Variants in AKT3 observed in about 807,000 individuals in gnomAD.
AKT3 encodes AKT serine/threonine kinase 3, also known as RAC-gamma serine/threonine-protein kinase.
Under a neutral mutation model 65.3 loss-of-function variants are expected in AKT3, and 15 were observed. The ratio of observed to expected loss-of-function variants is 0.23; its 90% CI spans 0.15 to 0.35. The LOEUF (loss-of-function observed/expected upper bound fraction) is 0.35. Ranked by LOEUF, AKT3 falls within the 10% of genes least tolerant of loss-of-function variation. AKT3 has a pLI of 1.00. For missense variants in AKT3, 243 were observed against 576.5 expected (o/e 0.42, Z 5.92); for synonymous variants, 206 against 183.8 (o/e 1.12, Z -0.98).
chr1:243,529,271 T>C (rs1030627510), intron 12 of AKT3, among the ~76,000 whole-genome samples: 1 of 152,090 alleles, frequency 6.6e-6, no homozygotes, highest in African/African-American at 2.4e-5. Context: ...ACTCTGCTGA[T>C]AGTCTCTTTT....
chr1:243,839,701 T>TA (rs1308748954), intron 2 of AKT3, among the ~76,000 whole-genome samples: 1 of 152,076 alleles, frequency 6.6e-6, no homozygotes, highest in African/African-American at 2.4e-5. Flanking sequence ...AAAAGCAACT[T>TA]ACTCACATTA....
At chr1:243,498,755 A>G (rs1040770341), downstream of AKT3, among the ~76,000 whole-genome samples, 2 of 152,248 alleles carry the variant, frequency 1.3e-5, no homozygotes, top group South Asian at 4.1e-4. Context: ...AGGTTGATAG[A>G]GTCCTCCCTT....
intron 2 of AKT3, among the ~76,000 whole-genome samples, chr1:243,809,046 AG>A (rs1692944387): frequency 6.6e-6 from 1 of 152,248 alleles, no homozygotes; most frequent in African/African-American, 2.4e-5. Flanking sequence ...AAACATGGAA[AG>A]GAACAACCAG....
intron 2 of AKT3, chr1:243,808,242 A>G (rs1692881988): frequency 6.6e-6 from 1 of 152,238 alleles, no homozygotes; most frequent in South Asian, 2.1e-4. Flanking sequence ...GAGCTAAAGG[A>G]GGAAGTTGGA....
intron 8 of AKT3, among the ~76,000 whole-genome samples, chr1:243,593,281 C>G (rs1676362183): frequency 6.6e-6 from 1 of 152,180 alleles, no homozygotes. Flanking sequence ...AACAAAACTT[C>G]TCTAATTCAA....
intron 2 of AKT3, among the ~76,000 whole-genome samples, chr1:243,790,913 C>T (rs1412463651): frequency 6.6e-6 from 1 of 152,050 alleles, no homozygotes; most frequent in Non-Finnish European, 1.5e-5. Context: ...GTTCGTGGTG[C>T]CCCAAAACAA....
rs12028812 is a variant in AKT3 at position 243,669,967 on chromosome 1, T to C, written c.173-5084A>G. ...AATGACATATATGAAATGTCAGTTA[T>C]GGGCCAAGCACTATGCAAAATGCTG... On this transcript the variant is annotated intron_variant, in intron 3 of 13. Transcript: ENST00000673466. 2.2e-3 allele frequency among the ~76,000 whole-genome samples: 341 copies of C among 152,312 alleles called. 10 individuals are homozygous for C. The East Asian group carries it at 0.055, about 25-fold the overall frequency.
intron 9 of AKT3, among the ~76,000 whole-genome samples, chr1:243,564,957 CAT>C: frequency 6.6e-6 from 1 of 152,258 alleles, no homozygotes; most frequent in South Asian, 2.1e-4. Context: ...AGAACATAAA[CAT>C]ATCAGTCATA....
Position 243,620,186 on chromosome 1 carries a change from G to A in AKT3, c.562-5025C>T, listed in dbSNP as rs192880953. On this transcript the variant is annotated intron_variant, in intron 6 of 13. Coordinates refer to ENST00000673466, the MANE Select transcript of AKT3 (RefSeq NM_005465.7). ...AGCTCTGATGGTTTTATAAGTGTCT[G>A]ACAGTTCCTCTTCACACACTCGCCC... 1.9e-4 allele frequency among the ~76,000 whole-genome samples: 19 copies of A among 97,892 alleles called. 6 individuals carry two copies. The Admixed American group carries it at 2.2e-3, about 11-fold the overall frequency. The allele number at this position is 97,892 out of a possible 152,430, so 64.2% of individuals were successfully genotyped here.
intron 2 of AKT3, among the ~76,000 whole-genome samples, chr1:243,764,749 T>C (rs1255621017): frequency 6.6e-6 from 1 of 152,112 alleles, no homozygotes; most frequent in Middle Eastern, 3.2e-3. Flanking sequence ...AACTACCATA[T>C]GTTACTCAAA....
intron 6 of AKT3, among the ~76,000 whole-genome samples, chr1:243,625,897 A>G (rs986234764): frequency 6.6e-6 from 1 of 152,334 alleles, no homozygotes; most frequent in East Asian, 1.9e-4. Context: ...AGGGACAGCT[A>G]GTCTGGTGGA....
intron 2 of AKT3, among the ~76,000 whole-genome samples, chr1:243,705,121 T>C (rs910277349): frequency 6.6e-6 from 1 of 152,224 alleles, no homozygotes; most frequent in Non-Finnish European, 1.5e-5. Context: ...AAACTCTCAT[T>C]CTAATGCATA....
chr1:243,623,014 A>G (rs1039755659), intron 6 of AKT3, among the ~76,000 whole-genome samples: 1 of 152,242 alleles, frequency 6.6e-6, no homozygotes, highest in Admixed American at 6.5e-5. Flanking sequence ...CAAAAAAGTC[A>G]GTCTTCAGAA....
intron 2 of AKT3, among the ~76,000 whole-genome samples, chr1:243,801,937 GATCTT>G (rs917806064): frequency 6.6e-6 from 1 of 152,102 alleles, no homozygotes; most frequent in Non-Finnish European, 1.5e-5. Flanking sequence ...TATTCTTTCT[GATCTT>G]ATGTTAGTTC....
chr1:243,488,958 G>C, intron 13 of AKT3: 1 of 1,612,374 alleles, frequency 6.2e-7, no homozygotes, highest in Non-Finnish European at 8.5e-7. Flanking sequence ...CAGCCCCTGG[G>C]CCTGTTGAAA....
At chr1:243,697,958 A>G (rs1685167346) in intron 2 of AKT3, among the ~76,000 whole-genome samples, 1 of 150,226 alleles carries the variant, frequency 6.7e-6, no homozygotes, top group African/African-American at 2.4e-5. Flanking sequence ...GTAAGGGCAA[A>G]AAAGAAATTT....
chr1:243,797,678 G>A (rs1692106885), intron 2 of AKT3, among the ~76,000 whole-genome samples: 2 of 152,040 alleles, frequency 1.3e-5, no homozygotes, highest in African/African-American at 4.8e-5. Flanking sequence ...GTTAAACAGT[G>A]GGGAAGGTAT....
At chr1:243,714,176 G>A (rs1196212055) in intron 2 of AKT3, among the ~76,000 whole-genome samples, 1 of 152,102 alleles carries the variant, frequency 6.6e-6, no homozygotes, top group African/African-American at 2.4e-5. Context: ...ACACTGCTTT[G>A]TTTTACAGTT....
chr1:243,571,326 C>T (rs1313211409), intron 9 of AKT3, among the ~76,000 whole-genome samples: 1 of 152,148 alleles, frequency 6.6e-6, no homozygotes, highest in Non-Finnish European at 1.5e-5. Context: ...AAAACACACA[C>T]ACACATACCC....
Sources: gnomAD v4.1 joint callset for allele counts (sites outside exome capture counted in the v4.1 genomes callset) on GRCh38, gnomAD v4.1.1 for gene constraint, MANE v1.5 for transcripts, NCBI Gene and HGNC (gene_info 2026-07-23, HGNC 2026-07-21) for gene names.